LRRC49: variants seen among roughly 807,000 people sequenced by gnomAD.
LRRC49 encodes the protein leucine rich repeat containing 49.
LRRC49 carries 50 observed loss-of-function variants against 83.3 expected under a neutral mutation model. That is an observed-to-expected ratio of 0.60 (90% CI 0.48 to 0.76). LRRC49 has a LOEUF of 0.76. Among genes scored for constraint, LRRC49 ranks in the 30% least tolerant of loss-of-function variants. The pLI is 0.00. For missense variants in LRRC49, 704 were observed against 809.1 expected, an observed-to-expected ratio of 0.87 and a Z score of 1.58; for synonymous variants, 286 against 283.3, an observed-to-expected ratio of 1.01 and a Z score of -0.10.
At chr15:70,940,489 C>T (rs767867233) in intron 8 of LRRC49, among the ~76,000 whole-genome samples, 3 of 152,158 alleles carry the variant, frequency 2.0e-5, no homozygotes, top group Admixed American at 6.5e-5. Context: ...GTGATCCTCC[C>T]GCCTTGGCCT....
upstream of LRRC49, chr15:70,892,517 A>C (rs939480553): frequency 2.0e-6 from 3 of 1,521,370 alleles, no homozygotes; most frequent in South Asian, 1.2e-5. Flanking sequence ...ACACAAGCAG[A>C]GGGATACAAA....
At chr15:71,032,198 A>ACAGT (rs1381559812) in intron 14 of LRRC49, among the ~76,000 whole-genome samples, 1 of 152,182 alleles carries the variant, frequency 6.6e-6, no homozygotes, top group Non-Finnish European at 1.5e-5. Flanking sequence ...GCGGGGTAGC[A>ACAGT]CAGTCCCTCA....
intron 1 of LRRC49, among the ~76,000 whole-genome samples, chr15:70,866,474 A>G (rs2032916566): frequency 6.6e-6 from 1 of 152,194 alleles, no homozygotes; most frequent in Non-Finnish European, 1.5e-5. Flanking sequence ...GTGAGGCTGC[A>G]GCCCACTGGT....
At chr15:70,862,577 C>CAAAAA (rs10623501) in intron 1 of LRRC49, among the ~76,000 whole-genome samples, 3 of 61,728 alleles carry the variant, frequency 4.9e-5, no homozygotes, top group Non-Finnish European at 5.7e-5. Context: ...GACTCCGTCT[C>CAAAAA]AAAAAAAAAA....
intron 15 of LRRC49, among the ~76,000 whole-genome samples, chr15:71,041,493 A>G (rs987344642): frequency 3.3e-5 from 5 of 152,146 alleles, no homozygotes; most frequent in Non-Finnish European, 5.9e-5. Context: ...CAGAAAGAAG[A>G]TATAAGGAAA....
chr15:71,012,620 G>A (rs73447523), intron 13 of LRRC49, among the ~76,000 whole-genome samples, 184 bp from the exon 14 acceptor site: 9,612 of 152,048 alleles, frequency 0.063, 367 homozygotes, highest in South Asian at 0.16. Flanking sequence ...ACAATTATAC[G>A]TCTTCATTTT....
intron 15 of LRRC49, among the ~76,000 whole-genome samples, chr15:71,038,533 G>A (rs1252604364): frequency 6.6e-6 from 1 of 151,934 alleles, no homozygotes; most frequent in East Asian, 1.9e-4. Flanking sequence ...AACCCATAGG[G>A]CTGTAGGCAT....
intron 7 of LRRC49, among the ~76,000 whole-genome samples, chr15:70,921,666 C>G (rs934049876): frequency 5.9e-5 from 9 of 152,222 alleles, no homozygotes; most frequent in African/African-American, 2.2e-4. Flanking sequence ...CTGCAGTTCT[C>G]TCTGCTCAGG....
At chr15:70,993,422 G>C (rs533719109) in intron 11 of LRRC49, among the ~76,000 whole-genome samples, 11 of 152,264 alleles carry the variant, frequency 7.2e-5, no homozygotes, top group Non-Finnish European at 1.5e-4. Context: ...CCAGTAAGAT[G>C]AACCCAGTAC....
At chr15:71,019,450 CTGTT>C (rs1365018510) in intron 14 of LRRC49, among the ~76,000 whole-genome samples, 4 of 152,222 alleles carry the variant, frequency 2.6e-5, no homozygotes, top group African/African-American at 7.2e-5. Flanking sequence ...ATCACAGAGA[CTGTT>C]TGATCCAGAG....
chr15:70,958,615 G>T (rs2036485319), intron 8 of LRRC49, among the ~76,000 whole-genome samples: 1 of 152,168 alleles, frequency 6.6e-6, no homozygotes, highest in Admixed American at 6.5e-5. Context: ...TTTTGGCAAT[G>T]CTGGGTAGGA....
In LRRC49 at chr15:70,990,789, A is replaced by G. The variant is rs372141098; in HGVS notation, c.1169+6532A>G. Among the ~76,000 whole-genome samples, 28 of 152,296 alleles carry G rather than the reference A, an allele frequency of 1.8e-4. No homozygotes were observed. In the East Asian group the frequency reaches 2.5e-3, roughly 14 times the overall value. On this transcript the variant is annotated intron_variant, in intron 11 of 15. Transcript: ENST00000260382. Reference sequence around the variant, plus strand: ...TTCGGCCATCTTGGCTCCAGCCAGAACCTTTCTTATAGGGATAGTGTTTTT... The same window carrying G: ...TTCGGCCATCTTGGCTCCAGCCAGAGCCTTTCTTATAGGGATAGTGTTTTT...
At chr15:70,942,851 C>G (rs2035870499) in intron 8 of LRRC49, among the ~76,000 whole-genome samples, 1 of 152,174 alleles carries the variant, frequency 6.6e-6, no homozygotes, top group Non-Finnish European at 1.5e-5. Context: ...TGTTTCCTAA[C>G]TCATTTATGA....
At chr15:70,955,811 G>A (rs1384697242) in intron 8 of LRRC49, among the ~76,000 whole-genome samples, 1 of 152,032 alleles carries the variant, frequency 6.6e-6, no homozygotes, top group African/African-American at 2.4e-5. Flanking sequence ...ACAAACACCT[G>A]TATTATGTGT....
At chr15:70,963,666 T>G in intron 8 of LRRC49, 119 bp from the exon 9 acceptor site, 1 of 1,113,012 alleles carries the variant, frequency 9.0e-7, no homozygotes, top group Non-Finnish European at 1.3e-6. Context: ...AGGGGAACTC[T>G]GTACTATCTT....
chr15:70,893,487 A>G (rs1041197470), intron 1 of LRRC49, 97 bp from the exon 2 acceptor site: 4 of 739,622 alleles, frequency 5.4e-6, no homozygotes, highest in South Asian at 1.6e-5. Context: ...ATTGTGTTCT[A>G]TTTTTTTGTT....
intron 14 of LRRC49, among the ~76,000 whole-genome samples, chr15:71,028,937 C>T (rs1278763284): frequency 6.6e-6 from 1 of 152,080 alleles, no homozygotes; most frequent in Non-Finnish European, 1.5e-5. Flanking sequence ...TTTCATGTCT[C>T]TATCTCCTTC....
intron 11 of LRRC49, 37 bp from the exon 12 acceptor site, chr15:71,008,342 A>G (rs753687271): frequency 1.6e-6 from 2 of 1,220,282 alleles, no homozygotes; most frequent in Admixed American, 1.7e-5. Context: ...ATTCTGCATG[A>G]TATCTTTCAT....
In LRRC49 at chr15:71,037,331, A is replaced by G. The variant is rs2039554660; in HGVS notation, c.1856A>G (p.Glu619Gly). 1 of 1,593,322 alleles carries G rather than the reference A, an allele frequency of 6.3e-7. No individual in the cohort carries two copies. Among genetic ancestry groups the G allele is most frequent in the South Asian group, 1.1e-5 (1 of 87,354 alleles). ...TTRDFYNEKL[E>G]EIKEKKKFCK... ...AGAGACTTTTATAATGAAAAGCTAG[A>G]GGTAAAACTACTGTTAATCTTTGCG... Residue 619 changes from glutamate (E) to glycine (G), a missense_variant and splice_region_variant, in exon 15 of 16, where the codon GAG (glutamate) becomes GGG (glycine). Physicochemically the swap from Glu to Gly is moderately conservative, Grantham distance 98. This residue lies in a region of LRRC49 where 275 missense variants were observed against 338.0 expected (regional missense o/e 0.81). Transcript: ENST00000260382.
Sources: allele counts gnomAD v4.1 joint callset (sites outside exome capture counted in the v4.1 genomes callset), GRCh38; gene constraint gnomAD v4.1.1; regional missense constraint gnomAD v4.1.1; transcripts MANE v1.5; gene names NCBI Gene and HGNC (gene_info 2026-07-23, HGNC 2026-07-21).